Variants in USP34 observed in about 807,000 individuals in gnomAD.
USP34 encodes the protein ubiquitin carboxyl-terminal hydrolase 34.
A neutral mutation model predicts 460.3 loss-of-function variants in USP34; 70 were observed. The ratio of observed to expected loss-of-function variants is 0.15; its 90% confidence interval spans 0.13 to 0.19. The LOEUF (loss-of-function observed/expected upper bound fraction) is 0.19. Among genes scored for constraint, USP34 ranks in the 10% least tolerant of loss-of-function variants. The probability of loss-of-function intolerance (pLI) is 1.00; values close to 1 mark genes in which losing one functional copy is unlikely to be tolerated. For missense variants in USP34, 3,985 were observed against 4,236.2 expected, an observed-to-expected ratio of 0.94 and a Z score of 1.65; for synonymous variants, 1,647 against 1,405.3, an observed-to-expected ratio of 1.17 and a Z score of -3.85.
intron 1 of USP34, among the ~76,000 whole-genome samples, chr2:61,424,352 G>A (rs149620427): frequency 1.7e-3 from 258 of 152,142 alleles, no homozygotes; most frequent in Non-Finnish European, 3.4e-3. Flanking sequence ...ATAACCTTAC[G>A]ACCACTGTCC....
intron 75 of USP34, among the ~76,000 whole-genome samples, chr2:61,196,582 T>C (rs1558460535): frequency 6.6e-6 from 1 of 151,898 alleles, no homozygotes; most frequent in Middle Eastern, 3.4e-3. Context: ...CCAAAGCATG[T>C]TGCAGTGGCA....
intron 66 of USP34, 136 bp from the exon 67 acceptor site, chr2:61,220,593 A>G (rs1458163541): frequency 1.4e-5 from 12 of 827,986 alleles, no homozygotes; most frequent in Non-Finnish European, 1.7e-6. Context: ...GTTTCACCCT[A>G]TTTTTTTCCC....
At chr2:61,241,036 C>A (rs1022669157) in intron 53 of USP34, among the ~76,000 whole-genome samples, 1 of 151,902 alleles carries the variant, frequency 6.6e-6, no homozygotes, top group South Asian at 2.1e-4. Context: ...TTCCCTCAAC[C>A]TTTCTGCCAC....
chr2:61,253,096 T>C (rs1305948524), intron 48 of USP34, among the ~76,000 whole-genome samples: 1 of 152,194 alleles, frequency 6.6e-6, no homozygotes, highest in Non-Finnish European at 1.5e-5. Flanking sequence ...TATGATCCTA[T>C]TGAGGATAAT....
At chr2:61,367,256 G>C (rs977665435) in intron 10 of USP34, among the ~76,000 whole-genome samples, 1 of 152,194 alleles carries the variant, frequency 6.6e-6, no homozygotes, top group Non-Finnish European at 1.5e-5. Context: ...AGCAGTATGC[G>C]ACACTGTCTT....
intron 1 of USP34, among the ~76,000 whole-genome samples, chr2:61,457,039 G>A (rs1298470258): frequency 1.3e-5 from 2 of 151,978 alleles, no homozygotes; most frequent in Non-Finnish European, 2.9e-5. Context: ...ACTTTAAGAG[G>A]CTGGAACAGA....
At chr2:61,441,850 G>GA (rs1694975613) in intron 1 of USP34, among the ~76,000 whole-genome samples, 1 of 143,190 alleles carries the variant, frequency 7.0e-6, no homozygotes, top group African/African-American at 2.6e-5. Flanking sequence ...AAAAAAGGAA[G>GA]AAAAAAGAAA....
chr2:61,302,791 C>T (rs149011493), intron 27 of USP34, among the ~76,000 whole-genome samples: 9 of 152,176 alleles, frequency 5.9e-5, no homozygotes, highest in Non-Finnish European at 1.3e-4. Context: ...ATTTTTCTCC[C>T]AGGACTTTTT....
intron 15 of USP34, 95 bp downstream of exon 15, chr2:61,347,775 T>C (rs747568859): frequency 9.2e-6 from 14 of 1,519,122 alleles, no homozygotes; most frequent in Non-Finnish European, 1.1e-5. Context: ...TACTAATGAA[T>C]AGCACTAATA....
At chr2:61,351,660 T>C (rs1691946571) in intron 10 of USP34, among the ~76,000 whole-genome samples, 1 of 152,200 alleles carries the variant, frequency 6.6e-6, no homozygotes, top group African/African-American at 2.4e-5. Context: ...CATACACATA[T>C]GAATTCTCTT....
chr2:61,187,712 C>T lies in USP34; in HGVS notation c.*390G>A, dbSNP rs1489272024. The T allele has an allele frequency of 6.5e-5, 29 of 448,052 alleles. No homozygotes were observed. Among genetic ancestry groups the T allele is most frequent in the African/African-American group, 1.1e-4 (5 of 46,484 alleles). The allele number at this position is 448,052 out of a possible 1,614,324, so 27.8% of individuals were successfully genotyped here. On this transcript the variant is annotated 3_prime_UTR_variant, in exon 80 of 80. Transcript: ENST00000398571. ...TTTTGATAATAAGAACCACAGCGAT[C>T]GGAGGCAATCTGCCTCTATAAGGTA...
At chr2:61,448,071 A>G (rs1016375032) in intron 1 of USP34, among the ~76,000 whole-genome samples, 1 of 152,240 alleles carries the variant, frequency 6.6e-6, no homozygotes, top group Non-Finnish European at 1.5e-5. Context: ...AATGTTTGGG[A>G]GTAAGGAATA....
In USP34 at chr2:61,187,540, C is replaced by CA; in HGVS notation, c.*561dup. 1 of 975,778 alleles carries CA rather than the reference C, an allele frequency of 1.0e-6. No homozygotes were observed. Among genetic ancestry groups the CA allele is most frequent in the South Asian group, 4.7e-5 (1 of 21,064 alleles). 60.4% of individuals were successfully genotyped at this position (975,778 alleles called of 1,614,324 possible). A position where few individuals can be genotyped will look rare whatever the true frequency, so the allele number is the denominator to read the frequency against. On this transcript the variant is annotated 3_prime_UTR_variant, in exon 80 of 80. Transcript: ENST00000398571. ...ATCAGTCATGTCAATAAAAATAAAA[C>CA]AATTATTTTTACATCAAGTGTGCTT...
intron 38 of USP34, among the ~76,000 whole-genome samples, chr2:61,280,878 C>T (rs1229375823): frequency 6.6e-6 from 1 of 152,048 alleles, no homozygotes; most frequent in East Asian, 1.9e-4. Context: ...CATGAGAGAC[C>T]ACAGAGCTGA....
At chr2:61,189,171 T>G (rs1057249444) in intron 78 of USP34, 102 bp from the exon 79 acceptor site, 30 of 1,286,556 alleles carry the variant, frequency 2.3e-5, no homozygotes, top group Non-Finnish European at 3.2e-5. Context: ...GAATCCATTC[T>G]TTCCTAAGAA....
chr2:61,293,096 G>A (rs891882497), intron 33 of USP34, among the ~76,000 whole-genome samples: 1 of 151,588 alleles, frequency 6.6e-6, no homozygotes, highest in Non-Finnish European at 1.5e-5. Context: ...TATAAAGGAA[G>A]AAATGATCAC....
chr2:61,364,110 T>C (rs1204512281), intron 10 of USP34, among the ~76,000 whole-genome samples: 1 of 152,202 alleles, frequency 6.6e-6, no homozygotes, highest in Non-Finnish European at 1.5e-5. Context: ...GCATGGTGGC[T>C]CACACCTAAA....
Position 61,296,918 on chromosome 2 carries a change from C to A in USP34, c.4136G>T (p.Arg1379Leu). The change falls in exon 30 of 80, where the codon CGA becomes CTA. Residue 1379 changes from arginine (R) to leucine (L), a missense_variant. By Grantham distance (102) the Arg-to-Leu change is moderately radical. This residue lies in a region of USP34 where 1,114 missense variants were observed against 1,122.5 expected (regional missense o/e 0.99). Transcript: ENST00000398571. ...KVAVDDSESL[R>L]CEELHLHAEN... ...TGCATGAAGATGAAGTTCTTCACAT[C>A]GTAAGCTCTACACAAATAAGAACAA... 1.2e-6 allele frequency: 2 copies of A among 1,611,850 alleles called. No homozygotes were observed. Among genetic ancestry groups the A allele is most frequent in the Non-Finnish European group, 1.7e-6 (2 of 1,179,078 alleles).
chr2:61,277,668 AATTTTT>A (rs1297499850), intron 41 of USP34: 3 of 152,380 alleles, frequency 2.0e-5, no homozygotes, highest in Non-Finnish European at 2.9e-5. Flanking sequence ...AATTTCTAGC[AATTTTT>A]ATGTCTGTAT....
Sources: allele counts gnomAD v4.1 joint callset (sites outside exome capture counted in the v4.1 genomes callset), GRCh38; gene constraint gnomAD v4.1.1; regional missense constraint gnomAD v4.1.1; transcripts MANE v1.5; gene names NCBI Gene and HGNC (gene_info 2026-07-23, HGNC 2026-07-21).